PHTF2: variants seen among roughly 807,000 people sequenced by gnomAD.
PHTF2 encodes the protein protein PHTF2.
In PHTF2, 60 loss-of-function variants were observed where a neutral mutation model predicts 101.2. That is an observed-to-expected ratio of 0.59 (90% CI 0.48 to 0.73). The LOEUF (loss-of-function observed/expected upper bound fraction) is 0.73. Ranked by LOEUF, PHTF2 falls within the 30% of genes least tolerant of loss-of-function variation. The pLI is 0.00. For missense variants in PHTF2, 747 were observed against 908.7 expected (o/e 0.82, Z 2.29); for synonymous variants, 311 against 307.3 (o/e 1.01, Z -0.13).
chr7:77,822,218 G>T (rs868691399), intron 1 of PHTF2, among the ~76,000 whole-genome samples: 1 of 152,140 alleles, frequency 6.6e-6, no homozygotes, highest in Non-Finnish European at 1.5e-5. Flanking sequence ...GGGAAGGGAG[G>T]TTGGTTTCCC....
At chr7:77,847,781 T>G (rs930208158) in intron 2 of PHTF2, among the ~76,000 whole-genome samples, 1 of 152,216 alleles carries the variant, frequency 6.6e-6, no homozygotes, top group Non-Finnish European at 1.5e-5. Context: ...CACCCTGTTA[T>G]GCTATCAAGT....
At chr7:77,815,029 A>G (rs1793746933) in intron 1 of PHTF2, among the ~76,000 whole-genome samples, 1 of 152,060 alleles carries the variant, frequency 6.6e-6, no homozygotes, top group Non-Finnish European at 1.5e-5. Flanking sequence ...GTGAGCTGAT[A>G]TCACGCCCCT....
At chr7:77,890,056 A>C (rs1800247513) in intron 3 of PHTF2, among the ~76,000 whole-genome samples, 1 of 146,458 alleles carries the variant, frequency 6.8e-6, no homozygotes, top group Non-Finnish European at 1.5e-5. Flanking sequence ...TTCTATTAAC[A>C]GTAAAAGTTG....
chr7:77,940,615 G>A (rs1424127507), exon 15 of PHTF2: 1 of 1,606,814 alleles, frequency 6.2e-7, no homozygotes. Flanking sequence ...GTTGAAGAAA[G>A]TACAGAATAT....
chr7:77,840,022 C>A, intron 1 of PHTF2, 199 bp from the exon 2 acceptor site: 1 of 373,410 alleles, frequency 2.7e-6, no homozygotes, highest in Non-Finnish European at 4.8e-6. Flanking sequence ...GCAAATAGAA[C>A]TTTCTATTAT....
At position 77,815,272 on chromosome 7, in the gene PHTF2, T is replaced by C. The variant is rs531986488; in HGVS notation, c.-36+16301T>C. ...GATTTTTCTCTGCTTTGTGCATATC[T>C]GTAAATGACTGCAAAAGTACCAGGA... is the stretch of plus-strand genomic sequence containing the variant. On this transcript the variant is annotated intron_variant, in intron 1 of 19. Transcript: ENST00000416283. Among the ~76,000 whole-genome samples, 19 of 152,246 alleles carry C rather than the reference T, an allele frequency of 1.2e-4. No individual in the cohort carries two copies. In the South Asian group the frequency reaches 1.7e-3, roughly 13 times the overall value.
Position 77,854,609 on chromosome 7 carries a change from G to A in PHTF2, c.46-124G>A. The A allele has an allele frequency of 2.9e-5, 18 of 627,458 alleles. No homozygotes were observed. In the South Asian group the frequency reaches 3.3e-4, roughly 11 times the overall value. The allele number at this position is 627,458 out of a possible 1,614,324, so 38.9% of individuals were successfully genotyped here. A position where few individuals can be genotyped will look rare whatever the true frequency, so the allele number is the denominator to read the frequency against. Reference sequence around the variant, plus strand: ...GGGCAGGTACAGAAATGCCATCCAGGAGCCAGAGCCTGGAGTCAGGAATCT... The same window carrying A: ...GGGCAGGTACAGAAATGCCATCCAGAAGCCAGAGCCTGGAGTCAGGAATCT... On this transcript the variant is annotated intron_variant, in intron 2 of 19. Coordinates refer to ENST00000416283, the Ensembl canonical transcript of PHTF2.
chr7:77,954,780 A>T (rs1034709155), intron 19 of PHTF2, 78 bp from the exon 19 acceptor site: 3 of 766,664 alleles, frequency 3.9e-6, no homozygotes, highest in African/African-American at 3.6e-5. Flanking sequence ...ATTTGAATTT[A>T]AAAATGGTGT....
At chr7:77,861,489 C>A (rs1031111287) in intron 3 of PHTF2, among the ~76,000 whole-genome samples, 3 of 151,884 alleles carry the variant, frequency 2.0e-5, no homozygotes, top group Non-Finnish European at 2.9e-5. Flanking sequence ...TAGAAATGAC[C>A]ATTTTCTAAT....
chr7:77,832,906 G>A (rs922405259), intron 1 of PHTF2, among the ~76,000 whole-genome samples: 1 of 152,094 alleles, frequency 6.6e-6, no homozygotes, highest in African/African-American at 2.4e-5. Flanking sequence ...TGGAAAAATT[G>A]TCTTCCACAA....
intron 1 of PHTF2, among the ~76,000 whole-genome samples, chr7:77,821,864 C>T (rs1794320414): frequency 6.6e-6 from 1 of 152,176 alleles, no homozygotes. Context: ...CAGTCATGGG[C>T]TCATGGCTGC....
chr7:77,895,247 T>C (rs557379546), intron 5 of PHTF2: 12 of 421,456 alleles, frequency 2.8e-5, no homozygotes, highest in South Asian at 7.0e-5. Context: ...TATATAGATA[T>C]AGCTATAGGA....
intron 1 of PHTF2, among the ~76,000 whole-genome samples, chr7:77,835,910 C>A (rs528184813): frequency 6.6e-6 from 1 of 151,762 alleles, no homozygotes; most frequent in Admixed American, 6.6e-5. Context: ...ACCTGAGGTC[C>A]GGAGTTTGAG....
At chr7:77,819,266 A>G (rs1794086032) in intron 1 of PHTF2, among the ~76,000 whole-genome samples, 1 of 152,218 alleles carries the variant, frequency 6.6e-6, no homozygotes, top group South Asian at 2.1e-4. Context: ...GACTTTCAGT[A>G]GTATATTGAA....
intron 3 of PHTF2, among the ~76,000 whole-genome samples, chr7:77,892,775 A>G (rs1028214770): frequency 3.3e-5 from 5 of 152,204 alleles, no homozygotes; most frequent in African/African-American, 9.7e-5. Flanking sequence ...AGTTCAGAGA[A>G]CTTTCCAGCA....
intron 1 of PHTF2, among the ~76,000 whole-genome samples, chr7:77,831,599 A>G (rs1286116413): frequency 3.3e-5 from 5 of 152,238 alleles, no homozygotes; most frequent in African/African-American, 1.2e-4. Context: ...TTTGTGTGAT[A>G]CACTTCTCAG....
intron 1 of PHTF2, among the ~76,000 whole-genome samples, chr7:77,839,735 C>G (rs1001513493): frequency 6.6e-6 from 1 of 151,934 alleles, no homozygotes; most frequent in Non-Finnish European, 1.5e-5. Flanking sequence ...TACTTTTTGG[C>G]TCTTGGGTTA....
Position 77,917,390 on chromosome 7 carries a change from T to G in PHTF2, c.777-2889T>G, listed in dbSNP as rs1447167329. On this transcript the variant is annotated intron_variant, in intron 9 of 19. Coordinates refer to ENST00000416283, the Ensembl canonical transcript of PHTF2. ...AGATACACTTGTTGCGATTGGGGTG[T>G]TGTTAACCCCAGTCCTTTTCAGTGA... Among the ~76,000 whole-genome samples the G allele has an allele frequency of 2.6e-5, 4 of 152,188 alleles. No homozygotes were observed. The East Asian group carries it at 7.7e-4, about 29-fold the overall frequency.
intron 17 of PHTF2, among the ~76,000 whole-genome samples, chr7:77,950,745 C>T (rs912389584): frequency 6.6e-6 from 1 of 152,188 alleles, no homozygotes; most frequent in African/African-American, 2.4e-5. Flanking sequence ...CATTTCCACC[C>T]TTCTAATCAC....
Sources: gnomAD v4.1 joint callset for allele counts (sites outside exome capture counted in the v4.1 genomes callset) on GRCh38, gnomAD v4.1.1 for gene constraint, MANE v1.5 for transcripts, NCBI Gene and HGNC (gene_info 2026-07-23, HGNC 2026-07-21) for gene names.